The following PLEKHH2 variants were observed in gnomAD, a reference collection of about 807,000 sequenced individuals.
PLEKHH2 encodes the protein pleckstrin homology, MyTH4 and FERM domain containing H2, also known as pleckstrin homology domain-containing family H member 2.
A neutral mutation model predicts 187.9 loss-of-function variants in PLEKHH2; 129 were observed. The ratio of observed to expected loss-of-function variants is 0.69; its 90% CI spans 0.59 to 0.79. The LOEUF (loss-of-function observed/expected upper bound fraction) is 0.79, where lower values mean the gene tolerates loss of function less well. PLEKHH2 is among the 30% of genes least tolerant of loss of function. PLEKHH2 has a pLI of 0.00. For synonymous variants in PLEKHH2, 686 were observed against 605.6 expected, an observed-to-expected ratio of 1.13 and a Z score of -1.95; for missense variants, 2,076 against 1,751.2, an observed-to-expected ratio of 1.19 and a Z score of -3.31.
At chr2:43,688,225 T>C (rs1237869002) in intron 3 of PLEKHH2, among the ~76,000 whole-genome samples, 1 of 152,236 alleles carries the variant, frequency 6.6e-6, no homozygotes, top group Non-Finnish European at 1.5e-5. Flanking sequence ...CAACTATGCA[T>C]CCAACAATGG....
Position 43,765,851 on chromosome 2 carries a change from A to T in PLEKHH2, c.*253A>T, listed in dbSNP as rs1313436301. 2 of 361,178 alleles carry T rather than the reference A, an allele frequency of 5.5e-6. No homozygotes were observed. The highest frequency in any genetic ancestry group is 2.1e-5 in the African/African-American group (1 of 47,870). The allele number at this position is 361,178 out of a possible 1,614,324, so 22.4% of individuals were successfully genotyped here. A position where few individuals can be genotyped will look rare whatever the true frequency, so the allele number is the denominator to read the frequency against. On this transcript the variant is annotated 3_prime_UTR_variant, in exon 30 of 30. Coordinates refer to ENST00000282406, the MANE Select transcript of PLEKHH2 (RefSeq NM_172069.4). ...TGAGTAAGAATTCATCATTTTTTCCATCTCCCTTCTCCCTTGTCATCAGAC... is the reference window on the plus strand; with the variant it reads ...TGAGTAAGAATTCATCATTTTTTCCTTCTCCCTTCTCCCTTGTCATCAGAC...
chr2:43,754,538 G>A (rs886565155), intron 25 of PLEKHH2, among the ~76,000 whole-genome samples: 4 of 152,182 alleles, frequency 2.6e-5, no homozygotes, highest in East Asian at 1.9e-4. Context: ...CAGGGAGTCC[G>A]GGGAATGTGG....
intron 3 of PLEKHH2, among the ~76,000 whole-genome samples, chr2:43,681,883 G>A (rs1335946713): frequency 6.6e-6 from 1 of 152,110 alleles, no homozygotes; most frequent in Non-Finnish European, 1.5e-5. Context: ...TTCTAAATAA[G>A]CCCAATGTAG....
At chr2:43,672,380 C>T (rs1050992937) in intron 2 of PLEKHH2, among the ~76,000 whole-genome samples, 3 of 151,760 alleles carry the variant, frequency 2.0e-5, no homozygotes, top group Non-Finnish European at 2.9e-5. Flanking sequence ...TTATTCATTT[C>T]TCCTCTAATC....
chr2:43,751,613 A>T (rs1672012284), intron 24 of PLEKHH2, among the ~76,000 whole-genome samples: 1 of 152,084 alleles, frequency 6.6e-6, no homozygotes, highest in African/African-American at 2.4e-5. Context: ...TCCAATGAGG[A>T]GGTGGAGATT....
Position 43,703,962 on chromosome 2 carries a change from A to G in PLEKHH2, c.1651-19A>G. The stretch of plus-strand genomic sequence containing the variant: ...TTTTTGCTTTAAATACCCTGTTCAA[A>G]CTCTCTCTTTTACCCTAGGAAAGCA... On this transcript the variant is annotated intron_variant, in intron 8 of 29. Transcript: ENST00000282406. 1 of 1,376,304 alleles carries G rather than the reference A, an allele frequency of 7.3e-7. No homozygotes were observed. The highest frequency in any genetic ancestry group is 9.9e-7 in the Non-Finnish European group (1 of 1,008,952). The allele number at this position is 1,376,304 out of a possible 1,614,324, so 85.3% of individuals were successfully genotyped here. A position where few individuals can be genotyped will look rare whatever the true frequency, so the allele number is the denominator to read the frequency against.
chr2:43,666,341 G>C (rs1198397455), intron 2 of PLEKHH2, among the ~76,000 whole-genome samples: 6 of 151,272 alleles, frequency 4.0e-5, no homozygotes, highest in Non-Finnish European at 5.9e-5. Context: ...CTCGCGCACG[G>C]TGCGCACACC....
intron 24 of PLEKHH2, among the ~76,000 whole-genome samples, chr2:43,747,674 C>T (rs1280460972): frequency 6.6e-6 from 1 of 152,134 alleles, no homozygotes; most frequent in Admixed American, 6.6e-5. Context: ...GACCAGCTCA[C>T]ATTAATTATA....
chr2:43,702,003 A>G lies in PLEKHH2; in HGVS notation c.1650+1395A>G, dbSNP rs564676190. Among the ~76,000 whole-genome samples the G allele has an allele frequency of 2.8e-3, 422 of 152,322 alleles. 3 individuals are homozygous for G. Among genetic ancestry groups the G allele is most frequent in the African/African-American group, 9.7e-3 (403 of 41,582 alleles). On this transcript the variant is annotated intron_variant, in intron 8 of 29. Transcript: ENST00000282406. ...AGGCTGGTCTTGAATGCCTGACTTC[A>G]GGTGATCCACCCACCTCAGCCTCCC...
chr2:43,745,821 G>T (rs753476756), intron 23 of PLEKHH2, 45 bp from the exon 24 acceptor site: 10 of 1,434,002 alleles, frequency 7.0e-6, no homozygotes, highest in South Asian at 1.2e-5. Context: ...AAAAAATGTT[G>T]ATTTGAAAAG....
At chr2:43,680,809 T>C (rs1668134304) in intron 3 of PLEKHH2, 1 of 404,394 alleles carries the variant, frequency 2.5e-6, no homozygotes, top group Non-Finnish European at 4.6e-6. Context: ...CACTACCAAT[T>C]ATATCTTTCT....
chr2:43,720,837 TA>T, intron 16 of PLEKHH2, 88 bp downstream of exon 16: 1 of 1,493,386 alleles, frequency 6.7e-7, no homozygotes. Flanking sequence ...TCTTACTTTG[TA>T]AAACTTCAGA....
At chr2:43,646,423 C>G (rs1666187766) in intron 2 of PLEKHH2, among the ~76,000 whole-genome samples, 1 of 152,146 alleles carries the variant, frequency 6.6e-6, no homozygotes, top group African/African-American at 2.4e-5. Flanking sequence ...TTGCCTAAGC[C>G]TCTCAGCAGT....
intron 2 of PLEKHH2, among the ~76,000 whole-genome samples, chr2:43,656,837 G>A (rs1241056885): frequency 6.6e-6 from 1 of 152,160 alleles, no homozygotes; most frequent in Non-Finnish European, 1.5e-5. Flanking sequence ...GGCCAACATG[G>A]TAAAACCCTG....
intron 2 of PLEKHH2, chr2:43,675,603 T>A (rs767460544): frequency 6.2e-7 from 1 of 1,613,696 alleles, no homozygotes; most frequent in Non-Finnish European, 8.5e-7. Flanking sequence ...TAAATACATC[T>A]CTTCCTTCAT....
intron 19 of PLEKHH2, 135 bp from the exon 20 acceptor site, chr2:43,738,206 G>T: frequency 1.5e-6 from 1 of 670,012 alleles, no homozygotes; most frequent in Non-Finnish European, 2.3e-6. Flanking sequence ...GATTTCTTTT[G>T]ATTAGTGTTA....
chr2:43,648,870 G>T (rs981565877), intron 2 of PLEKHH2, among the ~76,000 whole-genome samples: 1 of 152,108 alleles, frequency 6.6e-6, no homozygotes, highest in African/African-American at 2.4e-5. Flanking sequence ...GTGAGCCACC[G>T]TGCCTGGCCT....
chr2:43,649,151 G>A (rs1489662033), intron 2 of PLEKHH2, among the ~76,000 whole-genome samples: 1 of 152,176 alleles, frequency 6.6e-6, no homozygotes, highest in Non-Finnish European at 1.5e-5. Flanking sequence ...CTGTAAGTGG[G>A]AGAGGTCTTT....
intron 1 of PLEKHH2, among the ~76,000 whole-genome samples, chr2:43,638,421 CT>C (rs893536827): frequency 6.6e-6 from 1 of 152,034 alleles, no homozygotes; most frequent in Admixed American, 6.5e-5. Context: ...TTTTTCTTTC[CT>C]TTTTGGGATT....
Sources: allele counts gnomAD v4.1 joint callset (sites outside exome capture counted in the v4.1 genomes callset), GRCh38; gene constraint gnomAD v4.1.1; transcripts MANE v1.5; gene names NCBI Gene and HGNC (gene_info 2026-07-23, HGNC 2026-07-21).